MAP3K9: variants seen among roughly 807,000 people sequenced by gnomAD.
MAP3K9 encodes mitogen-activated protein kinase kinase kinase 9, also known as mixed lineage kinase 1 (tyr and ser/thr specificity).
In MAP3K9, 46 loss-of-function variants were observed where a neutral mutation model predicts 95.8. The ratio of observed to expected loss-of-function variants is 0.48; its 90% CI spans 0.38 to 0.61. The LOEUF (loss-of-function observed/expected upper bound fraction) is 0.61. Ranked by LOEUF, MAP3K9 falls within the 20% of genes least tolerant of loss-of-function variation. MAP3K9 has a pLI of 0.00. For missense variants in MAP3K9, 1,296 were observed against 1,474.3 expected, an observed-to-expected ratio of 0.88 and a Z score of 1.98; for synonymous variants, 533 against 593.8, an observed-to-expected ratio of 0.90 and a Z score of 1.49.
At chr14:70,731,956 C>T (rs186804110) in intron 11 of MAP3K9, among the ~76,000 whole-genome samples, 76 of 151,662 alleles carry the variant, frequency 5.0e-4, no homozygotes, top group Non-Finnish European at 9.0e-4. Context: ...TGTCAGATGT[C>T]GAGGGCAGTC....
At chr14:70,804,992 G>A (rs890113330) in intron 1 of MAP3K9, among the ~76,000 whole-genome samples, 3 of 152,196 alleles carry the variant, frequency 2.0e-5, no homozygotes, top group African/African-American at 7.2e-5. Flanking sequence ...TTCAGCTGCA[G>A]CAGAGTATGT....
intron 2 of MAP3K9, among the ~76,000 whole-genome samples, chr14:70,775,377 C>CTCTG (rs2054584628): frequency 6.6e-6 from 1 of 152,128 alleles, no homozygotes; most frequent in Non-Finnish European, 1.5e-5. Flanking sequence ...TTGAATCTTG[C>CTCTG]TCTGGCTTCT....
intron 2 of MAP3K9, among the ~76,000 whole-genome samples, chr14:70,764,192 C>CAAAAAAAAAAAAAAAAAAAAA (rs71105731): frequency 3.3e-5 from 1 of 29,854 alleles, no homozygotes; most frequent in African/African-American, 1.2e-4. Context: ...GACTCCGTCT[C>CAAAAAAAAAAAAAAAAAAAAA]AAAAAAAAAA....
chr14:70,764,982 G>T (rs935547323), intron 2 of MAP3K9, among the ~76,000 whole-genome samples: 67 of 152,256 alleles, frequency 4.4e-4, no homozygotes, highest in African/African-American at 1.4e-3. Context: ...AACAGTTTTT[G>T]TTTATAAAGT....
chr14:70,781,956 T>C (rs2054682649), intron 2 of MAP3K9, among the ~76,000 whole-genome samples: 1 of 152,218 alleles, frequency 6.6e-6, no homozygotes, highest in Non-Finnish European at 1.5e-5. Context: ...TGATGGGACA[T>C]GGCATCAGTG....
intron 2 of MAP3K9, among the ~76,000 whole-genome samples, chr14:70,777,253 T>A (rs1025605949): frequency 1.3e-5 from 2 of 152,154 alleles, no homozygotes; most frequent in Non-Finnish European, 2.9e-5. Flanking sequence ...CAAATCACCA[T>A]CCACTTATCT....
At chr14:70,782,237 C>T (rs1224692568) in intron 2 of MAP3K9, among the ~76,000 whole-genome samples, 1 of 152,078 alleles carries the variant, frequency 6.6e-6, no homozygotes, top group Non-Finnish European at 1.5e-5. Context: ...GAAGTGACCT[C>T]TATGTTATGT....
chr14:70,783,306 T>A, intron 2 of MAP3K9: 1 of 985,210 alleles, frequency 1.0e-6, no homozygotes, highest in African/African-American at 1.7e-5. Flanking sequence ...TTCAAATTAG[T>A]CTGACTCTTA....
At chr14:70,772,426 T>G (rs1189451249) in intron 2 of MAP3K9, among the ~76,000 whole-genome samples, 1 of 152,200 alleles carries the variant, frequency 6.6e-6, no homozygotes, top group African/African-American at 2.4e-5. Context: ...TTTCCTGAGC[T>G]AGAGTAAAGC....
At chr14:70,790,151 G>C (rs2054791372) in intron 2 of MAP3K9, among the ~76,000 whole-genome samples, 1 of 152,100 alleles carries the variant, frequency 6.6e-6, no homozygotes, top group Non-Finnish European at 1.5e-5. Flanking sequence ...TCTCAGCAAG[G>C]CCATCTGTCA....
intron 8 of MAP3K9, among the ~76,000 whole-genome samples, chr14:70,737,156 T>C (rs2053996878): frequency 6.6e-6 from 1 of 152,200 alleles, no homozygotes; most frequent in Admixed American, 6.5e-5. Context: ...ACCAAGAATA[T>C]GAAGTATAAA....
intron 2 of MAP3K9, among the ~76,000 whole-genome samples, chr14:70,762,672 A>T (rs2139784679): frequency 6.6e-6 from 1 of 152,340 alleles, no homozygotes; most frequent in Non-Finnish European, 1.5e-5. Flanking sequence ...CATGACTTGC[A>T]AATATTTCTC....
In MAP3K9 at chr14:70,777,820, A is replaced by G. The variant is rs777588603; in HGVS notation, c.821-16638T>C. ...TGGAAAGGGCTAAAGCCTCTAAGAC[A>G]TAACCAACATCCAAGACCAGAATTA... On this transcript the variant is annotated intron_variant, in intron 2 of 11. Coordinates refer to ENST00000554752, the MANE Select transcript of MAP3K9 (RefSeq NM_001284230.2). 5.3e-5 allele frequency among the ~76,000 whole-genome samples: 8 copies of G among 152,366 alleles called. No homozygotes were observed. The East Asian group carries it at 1.2e-3, about 22-fold the overall frequency.
At chr14:70,771,158 C>T (rs1270692626) in intron 2 of MAP3K9, among the ~76,000 whole-genome samples, 2 of 152,206 alleles carry the variant, frequency 1.3e-5, no homozygotes, top group South Asian at 4.1e-4. Context: ...TAACAGCTAT[C>T]GTCTCTTCTC....
intron 2 of MAP3K9, among the ~76,000 whole-genome samples, chr14:70,769,263 T>C (rs1474219490): frequency 6.6e-6 from 1 of 152,236 alleles, no homozygotes; most frequent in African/African-American, 2.4e-5. Context: ...GAACATAATA[T>C]GAAAACCCAC....
intron 2 of MAP3K9, among the ~76,000 whole-genome samples, chr14:70,794,199 G>A (rs771925805): frequency 6.6e-6 from 1 of 152,210 alleles, no homozygotes; most frequent in Non-Finnish European, 1.5e-5. Context: ...AGAGAAGGCA[G>A]CAAAGATCTC....
intron 10 of MAP3K9, chr14:70,733,688 G>A: frequency 2.8e-6 from 2 of 717,186 alleles, no homozygotes; most frequent in Non-Finnish European, 5.2e-6. Context: ...CAGTTGCTGG[G>A]TGTGTCTGTG....
At chr14:70,744,369 A>C (rs2094194177) in intron 5 of MAP3K9, among the ~76,000 whole-genome samples, 1 of 152,230 alleles carries the variant, frequency 6.6e-6, no homozygotes, top group Non-Finnish European at 1.5e-5. Flanking sequence ...AAATAAAAAA[A>C]AAGATATTTT....
At chr14:70,749,054 C>A in intron 4 of MAP3K9, 50 bp from the exon 5 acceptor site, 1 of 1,561,526 alleles carries the variant, frequency 6.4e-7, no homozygotes, top group African/African-American at 1.4e-5. Flanking sequence ...CAGAAGCAAA[C>A]ATGTAAGACT....
Sources: allele counts gnomAD v4.1 joint callset (sites outside exome capture counted in the v4.1 genomes callset), GRCh38; gene constraint gnomAD v4.1.1; transcripts MANE v1.5; gene names NCBI Gene and HGNC (gene_info 2026-07-23, HGNC 2026-07-21).